Variants in DGKG observed in about 807,000 individuals in gnomAD.
DGKG encodes the protein diacylglycerol kinase gamma, also known as DAG kinase gamma.
Under a neutral mutation model 105.3 loss-of-function variants are expected in DGKG, and 78 were observed. The observed-to-expected ratio is 0.74, with a 90% CI of 0.62 to 0.89. The LOEUF is 0.89. Ranked by LOEUF, DGKG falls within the 40% of genes least tolerant of loss-of-function variation. DGKG has a pLI of 0.00. For missense variants in DGKG, 958 were observed against 1,020.1 expected, an observed-to-expected ratio of 0.94 and a Z score of 0.83; for synonymous variants, 346 against 367.1, an observed-to-expected ratio of 0.94 and a Z score of 0.66.
At chr3:186,239,415 T>C (rs1018259567) in intron 20 of DGKG, among the ~76,000 whole-genome samples, 4 of 152,232 alleles carry the variant, frequency 2.6e-5, no homozygotes, top group African/African-American at 9.6e-5. Flanking sequence ...GCTTTCTTCC[T>C]ATGCCTTGCG....
chr3:186,176,508 G>C lies in DGKG; in HGVS notation c.2096-11490C>G, dbSNP rs79681465. On this transcript the variant is annotated intron_variant, in intron 22 of 24. Coordinates refer to ENST00000265022, the MANE Select transcript of DGKG (RefSeq NM_001346.3). ...TTGGAGGAGAGTCACGACAGGGAGG[G>C]CCTTATTCTGGTGGTTGGGTCAGGG... Among the ~76,000 whole-genome samples, 13 of 152,260 alleles carry C rather than the reference G, an allele frequency of 8.5e-5. No homozygotes were observed. In the East Asian group the frequency reaches 2.5e-3, roughly 29 times the overall value.
chr3:186,265,148 A>C (rs1302127348), intron 14 of DGKG, 99 bp downstream of exon 14: 4 of 1,171,438 alleles, frequency 3.4e-6, no homozygotes, highest in South Asian at 1.2e-5. Flanking sequence ...GAGAAGGCAA[A>C]TGCTGAGATG....
chr3:186,253,252 T>A, intron 17 of DGKG, 70 bp from the exon 18 acceptor site: 1 of 1,270,762 alleles, frequency 7.9e-7, no homozygotes, highest in African/African-American at 1.5e-5. Context: ...TGTCTTTTTA[T>A]CCCTGATCTG....
chr3:186,322,523 G>A (rs574667824), intron 1 of DGKG, among the ~76,000 whole-genome samples: 1 of 152,042 alleles, frequency 6.6e-6, no homozygotes, highest in African/African-American at 2.4e-5. Context: ...GCAAACCCCC[G>A]TGACATGTGA....
rs1167711771 is a variant in DGKG, at chr3:186,297,438, G to A, written c.356C>T (p.Ala119Val). 2.5e-6 allele frequency: 4 copies of A among 1,612,512 alleles called. No individual in the cohort carries two copies. Among genetic ancestry groups the A allele is most frequent in the Non-Finnish European group, 3.4e-6 (4 of 1,178,524 alleles). The part of the protein sequence containing the change: ...NADNATKADE[A>V]CAPDTESNMA... ...AGACTTACCAGTATCAGGGGCACAG[G>A]CCTCGTCTGCTTTGGTGGCATTATC... Residue 119 changes from alanine (A) to valine (V), a missense_variant, in exon 5 of 25, where the codon GCC becomes GTC. Physicochemically the swap from Ala to Val is moderately conservative, Grantham distance 64 (BLOSUM62 0). Coordinates refer to ENST00000265022, the MANE Select transcript of DGKG (RefSeq NM_001346.3).
intron 24 of DGKG, among the ~76,000 whole-genome samples, chr3:186,152,904 C>T (rs148488496): frequency 0.02 from 3,046 of 151,408 alleles, 48 homozygotes; most frequent in African/African-American, 0.047. Context: ...CCTCATGATC[C>T]GCCCGTGTCG....
At chr3:186,358,800 G>A (rs751798167) in intron 1 of DGKG, among the ~76,000 whole-genome samples, 13 of 152,052 alleles carry the variant, frequency 8.5e-5, no homozygotes, top group Non-Finnish European at 1.6e-4. Flanking sequence ...TGTTGCTGAT[G>A]GGTTAAGCTT....
intron 21 of DGKG, among the ~76,000 whole-genome samples, chr3:186,206,044 AGCTGG>A (rs1361011538): frequency 6.6e-6 from 1 of 152,144 alleles, no homozygotes; most frequent in African/African-American, 2.4e-5. Context: ...ATATTAGTGG[AGCTGG>A]CTGACCTTCC....
rs564905007 is a variant in DGKG at position 186,330,186 on chromosome 3, A to G, written c.-248-9479T>C. Among the ~76,000 whole-genome samples, 91 of 152,370 alleles carry G rather than the reference A, an allele frequency of 6.0e-4. 1 individual carries two copies. Among genetic ancestry groups the G allele is most frequent in the African/African-American group, 2.1e-3 (87 of 41,592 alleles). On this transcript the variant is annotated intron_variant, in intron 1 of 24. Coordinates refer to ENST00000265022, the MANE Select transcript of DGKG (RefSeq NM_001346.3). Reference sequence around the variant, plus strand: ...AGTCACTTAATTTACCATAAAATATACATCAACACTCACATTTTATATTAA... The same window carrying G: ...AGTCACTTAATTTACCATAAAATATGCATCAACACTCACATTTTATATTAA...
chr3:186,285,932 G>A (rs1723047931), intron 6 of DGKG, among the ~76,000 whole-genome samples: 1 of 152,122 alleles, frequency 6.6e-6, no homozygotes, highest in African/African-American at 2.4e-5. Context: ...GCCTGCCTCG[G>A]CCTGCCAAAG....
At chr3:186,161,726 C>T in intron 23 of DGKG, 63 bp from the exon 24 acceptor site, 2 of 1,612,052 alleles carry the variant, frequency 1.2e-6, no homozygotes, top group Non-Finnish European at 1.7e-6. Context: ...CAAGGTTATT[C>T]CCACCAGGAA....
At chr3:186,303,492 G>A (rs1383344872) in intron 3 of DGKG, among the ~76,000 whole-genome samples, 1 of 152,232 alleles carries the variant, frequency 6.6e-6, no homozygotes, top group Non-Finnish European at 1.5e-5. Flanking sequence ...GAACTAGATG[G>A]AGAGCTTAGC....
At chr3:186,288,932 T>C (rs1723192814) in intron 5 of DGKG, 52 bp from the exon 6 acceptor site, 2 of 1,480,600 alleles carry the variant, frequency 1.4e-6, no homozygotes, top group Admixed American at 2.3e-5. Context: ...TTAGTAAATA[T>C]TAACCCCTCT....
chr3:186,246,007 C>T (rs1202530007), intron 19 of DGKG, among the ~76,000 whole-genome samples: 5 of 151,986 alleles, frequency 3.3e-5, no homozygotes, highest in East Asian at 1.9e-4. Context: ...AGTCTCACTC[C>T]GTTGCCCAGC....
intron 24 of DGKG, among the ~76,000 whole-genome samples, chr3:186,151,780 C>G (rs1222134577): frequency 6.6e-6 from 1 of 152,146 alleles, no homozygotes; most frequent in African/African-American, 2.4e-5. Context: ...TAAGAGGGCA[C>G]TACTGTAAGC....
At chr3:186,275,364 T>C (rs1265890364) in intron 10 of DGKG, among the ~76,000 whole-genome samples, 183 bp downstream of exon 10, 4 of 152,222 alleles carry the variant, frequency 2.6e-5, no homozygotes, top group Admixed American at 1.3e-4. Flanking sequence ...GACCTGTCCA[T>C]TGGACTTGGG....
At chr3:186,308,543 G>A (rs561909635) in intron 2 of DGKG, among the ~76,000 whole-genome samples, 6 of 152,212 alleles carry the variant, frequency 3.9e-5, no homozygotes, top group South Asian at 2.1e-4. Context: ...AGACATATTC[G>A]TGGGCTGGGC....
intron 22 of DGKG, among the ~76,000 whole-genome samples, chr3:186,184,118 CTT>C (rs11338070): frequency 9.0e-5 from 13 of 144,944 alleles, no homozygotes; most frequent in South Asian, 2.2e-4. Flanking sequence ...GGCGTAGGGA[CTT>C]TTTTTTTTTT....
At chr3:186,257,723 G>A in intron 17 of DGKG, 131 bp downstream of exon 17, 2 of 612,302 alleles carry the variant, frequency 3.3e-6, no homozygotes, top group East Asian at 2.8e-5. Flanking sequence ...ATTTAGTCAA[G>A]TGTTGGTCCA....
Sources: allele counts gnomAD v4.1 joint callset (sites outside exome capture counted in the v4.1 genomes callset), GRCh38; gene constraint gnomAD v4.1.1; transcripts MANE v1.5; gene names NCBI Gene and HGNC (gene_info 2026-07-23, HGNC 2026-07-21).